The following MCPH1 variants were observed in gnomAD, a reference collection of about 807,000 sequenced individuals.
MCPH1 encodes microcephalin.
Under a neutral mutation model 84.5 loss-of-function variants are expected in MCPH1, and 104 were observed. The observed-to-expected ratio is 1.23, with a 90% CI of 1.05 to 1.45. The LOEUF (loss-of-function observed/expected upper bound fraction) is 1.45. Among genes scored for constraint, MCPH1 ranks in the 40% most tolerant of loss-of-function variants. MCPH1 has a pLI of 0.00. For synonymous variants in MCPH1, 514 were observed against 366.8 expected, an observed-to-expected ratio of 1.40 and a Z score of -4.58; for missense variants, 1,498 against 1,005.7, an observed-to-expected ratio of 1.49 and a Z score of -6.62.
chr8:6,423,870 C>T (rs2515538), intron 3 of MCPH1, among the ~76,000 whole-genome samples: 143,538 of 152,310 alleles, frequency 0.94, 67,968 homozygotes, highest in East Asian at 1. Flanking sequence ...ATCAGTTCTT[C>T]TTTCTAATTT....
intron 12 of MCPH1, 163 bp from the exon 13 acceptor site, chr8:6,621,291 T>C: frequency 1.1e-6 from 1 of 871,538 alleles, no homozygotes; most frequent in Admixed American, 2.1e-5. Flanking sequence ...ATTAATGTCA[T>C]CATCTTCTCT....
intron 13 of MCPH1, among the ~76,000 whole-genome samples, chr8:6,641,820 CTAA>C (rs1797956617): frequency 6.6e-6 from 1 of 152,168 alleles, no homozygotes; most frequent in African/African-American, 2.4e-5. Context: ...ATGCCTAGTA[CTAA>C]TAATATTGTT....
At chr8:6,618,081 G>T (rs1831032390) in intron 12 of MCPH1, among the ~76,000 whole-genome samples, 1 of 152,170 alleles carries the variant, frequency 6.6e-6, no homozygotes, top group Non-Finnish European at 1.5e-5. Context: ...TGAAGTTAGA[G>T]TTTAGAGCAC....
chr8:6,485,415 A>G (rs1809766543), intron 11 of MCPH1, among the ~76,000 whole-genome samples: 1 of 152,144 alleles, frequency 6.6e-6, no homozygotes, highest in African/African-American at 2.4e-5. Context: ...TCTTGGTTTC[A>G]GAACTAGGTT....
chr8:6,524,775 G>C lies in MCPH1; in HGVS notation c.2214+24846G>C, dbSNP rs562423511. On this transcript the variant is annotated intron_variant, in intron 12 of 13. Coordinates refer to ENST00000344683, the MANE Select transcript of MCPH1 (RefSeq NM_024596.5). ...AAAACTACCCTTGTGGCCATGTAAG[G>C]TCTGTAAATAGAAGTTATCACAGGG... Among the ~76,000 whole-genome samples the C allele has an allele frequency of 9.2e-5, 14 of 152,334 alleles. No homozygotes were observed. In the South Asian group the frequency reaches 1.9e-3, roughly 20 times the overall value.
chr8:6,619,546 C>T (rs575184530), intron 12 of MCPH1, among the ~76,000 whole-genome samples: 4 of 152,246 alleles, frequency 2.6e-5, no homozygotes, highest in South Asian at 2.1e-4. Flanking sequence ...TCACCTCAGC[C>T]TCCCCAAGTG....
chr8:6,454,330 G>T (rs1805439714), intron 8 of MCPH1, among the ~76,000 whole-genome samples: 1 of 152,166 alleles, frequency 6.6e-6, no homozygotes, highest in Non-Finnish European at 1.5e-5. Flanking sequence ...CACCTGCCTG[G>T]CAGGTTCTAG....
At chr8:6,565,289 T>G (rs780105675) in intron 12 of MCPH1, among the ~76,000 whole-genome samples, 11 of 152,256 alleles carry the variant, frequency 7.2e-5, no homozygotes, top group Non-Finnish European at 5.9e-5. Flanking sequence ...GATCAGTTCT[T>G]CCACCATCAA....
intron 12 of MCPH1, among the ~76,000 whole-genome samples, chr8:6,585,429 C>A (rs1219769222): frequency 6.6e-6 from 1 of 152,232 alleles, no homozygotes; most frequent in East Asian, 1.9e-4. Flanking sequence ...TGTCTGGGAG[C>A]CCCTTCCCGG....
chr8:6,415,793 G>C (rs1363674755), intron 3 of MCPH1, among the ~76,000 whole-genome samples: 1 of 152,104 alleles, frequency 6.6e-6, no homozygotes, highest in Non-Finnish European at 1.5e-5. Context: ...TGTCTTGATT[G>C]GGTTCCTTGC....
chr8:6,544,176 G>A (rs940078926), intron 12 of MCPH1, among the ~76,000 whole-genome samples: 2 of 152,142 alleles, frequency 1.3e-5, no homozygotes, highest in African/African-American at 4.8e-5. Flanking sequence ...TAACAAGTAC[G>A]AATCAACATA....
intron 12 of MCPH1, among the ~76,000 whole-genome samples, chr8:6,532,079 C>T (rs1168737156): frequency 6.6e-6 from 1 of 152,148 alleles, no homozygotes; most frequent in Non-Finnish European, 1.5e-5. Context: ...GGATGCGTGG[C>T]ATGAAAATGA....
At position 6,599,816 on chromosome 8, in the gene MCPH1, TA is replaced by T. The variant is rs560190736; in HGVS notation, c.2215-21635del. 1.1e-4 allele frequency among the ~76,000 whole-genome samples: 16 copies of T among 152,354 alleles called. No homozygotes were observed. The South Asian group carries it at 2.5e-3, about 24-fold the overall frequency. ...TTAAAAATCAGCTATCAAGATTAAA[TA>T]AAGCAAGCGGGAATTCTCTCCTTGC... is the stretch of plus-strand genomic sequence containing the variant. On this transcript the variant is annotated intron_variant, in intron 12 of 13. Coordinates refer to ENST00000344683, the MANE Select transcript of MCPH1 (RefSeq NM_024596.5).
At chr8:6,571,464 T>C (rs34792601) in intron 12 of MCPH1, among the ~76,000 whole-genome samples, 5 of 152,136 alleles carry the variant, frequency 3.3e-5, no homozygotes, top group Admixed American at 6.5e-5. Context: ...TAAAAAAATA[T>C]GTCCAGTCTC....
rs1799023045 is a variant in MCPH1 at position 6,414,775 on chromosome 8, C to G, written c.125C>G (p.Thr42Ser). Residue 42 changes from threonine (T) to serine (S), a missense_variant, in exon 3 of 14, where the codon ACT becomes AGT. Thr to Ser is a moderately conservative substitution (Grantham distance 58). Transcript: ENST00000344683. ...GCATTTTGTCTACAGGTTTCAAAAA[C>G]TTTTAACAAACAAGTAACTCACGTT... ...LVDMGAKVSKTFNKQVTHVIF... is the reference protein window; with the variant it reads ...LVDMGAKVSKSFNKQVTHVIF... 23 of 1,613,646 alleles carry G rather than the reference C, an allele frequency of 1.4e-5. No individual in the cohort carries two copies. In the East Asian group the frequency reaches 5.1e-4, roughly 36 times the overall value.
chr8:6,443,864 A>T (rs972667151), intron 7 of MCPH1, among the ~76,000 whole-genome samples: 5 of 152,234 alleles, frequency 3.3e-5, no homozygotes, highest in Admixed American at 3.3e-4. Context: ...CATTACTCTC[A>T]GGAAATGAGT....
chr8:6,552,409 A>G (rs889056852), intron 12 of MCPH1, among the ~76,000 whole-genome samples: 1 of 152,228 alleles, frequency 6.6e-6, no homozygotes, highest in Non-Finnish European at 1.5e-5. Flanking sequence ...TTACACACAC[A>G]CTTACGATGG....
chr8:6,565,445 A>G (rs1413243301), intron 12 of MCPH1, among the ~76,000 whole-genome samples: 1 of 152,144 alleles, frequency 6.6e-6, no homozygotes, highest in Non-Finnish European at 1.5e-5. Flanking sequence ...TTTTTTGTAG[A>G]GACGGGGTCT....
chr8:6,492,956 C>A (rs371400953), intron 11 of MCPH1, among the ~76,000 whole-genome samples: 3 of 151,940 alleles, frequency 2.0e-5, no homozygotes, highest in East Asian at 3.9e-4. Context: ...AGTGCTTTTG[C>A]CCTTAATGTG....
Sources: allele counts gnomAD v4.1 joint callset (sites outside exome capture counted in the v4.1 genomes callset), GRCh38; gene constraint gnomAD v4.1.1; transcripts MANE v1.5; gene names NCBI Gene and HGNC (gene_info 2026-07-23, HGNC 2026-07-21).